Variants in KAT2B observed in about 807,000 individuals in gnomAD.
The protein encoded by KAT2B is lysine acetyltransferase 2B.
KAT2B carries 36 observed loss-of-function variants against 105.9 expected under a neutral mutation model. The ratio of observed to expected loss-of-function variants is 0.34; its 90% CI spans 0.26 to 0.45. KAT2B has a LOEUF of 0.45. KAT2B is among the 20% of genes least tolerant of loss of function. The pLI, the probability that KAT2B is intolerant of heterozygous loss-of-function variation, is 1.00. For missense variants in KAT2B, 820 were observed against 1,021.6 expected, an observed-to-expected ratio of 0.80 and a Z score of 2.69; for synonymous variants, 397 against 377.9, an observed-to-expected ratio of 1.05 and a Z score of -0.59.
intron 3 of KAT2B, 98 bp downstream of exon 3, chr3:20,095,506 T>G: frequency 1.3e-6 from 1 of 743,810 alleles, no homozygotes; most frequent in Non-Finnish European, 2.2e-6. Context: ...CAGCTCCTGG[T>G]ACATTTTGCC....
At chr3:20,094,395 C>T (rs944367924) in intron 2 of KAT2B, among the ~76,000 whole-genome samples, 1 of 152,152 alleles carries the variant, frequency 6.6e-6, no homozygotes, top group African/African-American at 2.4e-5. Context: ...CCTCCCTTGA[C>T]ATGTGGGGAT....
intron 7 of KAT2B, among the ~76,000 whole-genome samples, chr3:20,118,787 C>T (rs557854001): frequency 3.5e-5 from 5 of 143,662 alleles, no homozygotes; most frequent in South Asian, 2.2e-4. Context: ...TATATTTATA[C>T]GTTATATATA....
intron 2 of KAT2B, among the ~76,000 whole-genome samples, chr3:20,083,992 A>G (rs1487615447): frequency 6.6e-6 from 1 of 152,116 alleles, no homozygotes; most frequent in African/African-American, 2.4e-5. Context: ...GGTGATGTGT[A>G]TTTGTTGAGA....
intron 1 of KAT2B, among the ~76,000 whole-genome samples, chr3:20,058,475 A>AG (rs1698040684): frequency 1.4e-5 from 2 of 145,984 alleles, no homozygotes; most frequent in Non-Finnish European, 3.0e-5. Flanking sequence ...AAAAAAAAAA[A>AG]GGTTTTCAGA....
At chr3:20,053,451 C>G (rs1009107754) in intron 1 of KAT2B, among the ~76,000 whole-genome samples, 1 of 152,198 alleles carries the variant, frequency 6.6e-6, no homozygotes, top group African/African-American at 2.4e-5. Flanking sequence ...AGGAGGATCA[C>G]TTGAGTCCAG....
Position 20,125,737 on chromosome 3 carries a change from AT to A in KAT2B, c.1414-167del, listed in dbSNP as rs1382230432. Among the ~76,000 whole-genome samples the A allele has an allele frequency of 2.0e-5, 3 of 152,204 alleles. No homozygotes were observed. The East Asian group carries it at 5.8e-4, about 29-fold the overall frequency. The stretch of plus-strand genomic sequence containing the variant: ...TTTCTGTCTTGTCTTCATAACTTGT[AT>A]GTGTATGTGTCTCTGTGTGTATGTG... On this transcript the variant is annotated intron_variant, in intron 9 of 17. Transcript: ENST00000263754.
At chr3:20,079,081 A>G in intron 2 of KAT2B, among the ~76,000 whole-genome samples, 1 of 149,978 alleles carries the variant, frequency 6.7e-6, no homozygotes, top group African/African-American at 2.5e-5. Flanking sequence ...ATTATTTTTT[A>G]GTAGAGAGTG....
intron 8 of KAT2B, among the ~76,000 whole-genome samples, chr3:20,122,387 C>A (rs1407582731): frequency 6.6e-6 from 1 of 152,118 alleles, no homozygotes. Context: ...CTAGAATCAC[C>A]CCTTTGCATT....
chr3:20,089,006 C>G (rs1164740386), intron 2 of KAT2B, among the ~76,000 whole-genome samples: 1 of 152,086 alleles, frequency 6.6e-6, no homozygotes, highest in Non-Finnish European at 1.5e-5. Context: ...TGTCCCTTCC[C>G]CTTGGCATCT....
intron 5 of KAT2B, among the ~76,000 whole-genome samples, chr3:20,106,069 G>A (rs927505755): frequency 6.6e-6 from 1 of 152,146 alleles, no homozygotes; most frequent in Non-Finnish European, 1.5e-5. Context: ...AACTAGGGCA[G>A]ATCAGTTTAT....
Position 20,147,949 on chromosome 3 carries a change from TTG to T in KAT2B, c.2120-12_2120-11del, listed in dbSNP as rs1320365404. ...AGCACTTCTCATTCAGTGTTTCACT[TTG>T]TTGACGTATAGGAGAGACAGGCTGG... is the stretch of plus-strand genomic sequence containing the variant. On this transcript the variant is annotated splice_polypyrimidine_tract_variant and intron_variant, in intron 14 of 17. Coordinates refer to ENST00000263754, the MANE Select transcript of KAT2B (RefSeq NM_003884.5). 1 of 1,612,674 alleles carries T rather than the reference TTG, an allele frequency of 6.2e-7. No individual in the cohort carries two copies. The highest frequency in any genetic ancestry group is 8.5e-7 in the Non-Finnish European group (1 of 1,179,160).
chr3:20,075,982 A>G (rs182891979), intron 2 of KAT2B, among the ~76,000 whole-genome samples: 1 of 150,990 alleles, frequency 6.6e-6, no homozygotes, highest in Non-Finnish European at 1.5e-5. Context: ...TTGTAGATTG[A>G]TGGGTGGGGT....
Position 20,072,514 on chromosome 3 carries a change from C to G in KAT2B, c.430+55C>G, listed in dbSNP as rs2125181240. 3.9e-6 allele frequency: 6 copies of G among 1,551,402 alleles called. No individual in the cohort carries two copies. In the South Asian group the frequency reaches 4.5e-5, roughly 12 times the overall value. On this transcript the variant is annotated intron_variant, in intron 2 of 17. Transcript: ENST00000263754. ...AACGAGTTCATTGTAGCGTGAGACT[C>G]TTAACTTACTGAATTCTGTGGGTTC...
chr3:20,043,936 C>T (rs917259081), intron 1 of KAT2B, among the ~76,000 whole-genome samples: 1 of 151,972 alleles, frequency 6.6e-6, no homozygotes, highest in Non-Finnish European at 1.5e-5. Flanking sequence ...AGGTAGTTCA[C>T]TGGGGGGCTT....
chr3:20,124,312 C>T (rs1270542171), intron 9 of KAT2B, among the ~76,000 whole-genome samples: 1 of 152,110 alleles, frequency 6.6e-6, no homozygotes, highest in African/African-American at 2.4e-5. Flanking sequence ...GTTCCACAGA[C>T]TGTACAAGAA....
At chr3:20,130,819 T>C (rs897515860) in intron 11 of KAT2B, among the ~76,000 whole-genome samples, 2 of 151,772 alleles carry the variant, frequency 1.3e-5, no homozygotes, top group Admixed American at 1.3e-4. Flanking sequence ...ATAATGAAGA[T>C]TAGTCTTTCA....
intron 8 of KAT2B, among the ~76,000 whole-genome samples, chr3:20,121,602 A>G (rs1176551702): frequency 6.6e-6 from 1 of 152,144 alleles, no homozygotes; most frequent in Admixed American, 6.5e-5. Flanking sequence ...AAAGCATTGT[A>G]AAAGATAAAG....
At chr3:20,151,167 G>C (rs77606263) in intron 17 of KAT2B, among the ~76,000 whole-genome samples, 29 of 152,328 alleles carry the variant, frequency 1.9e-4, no homozygotes, top group Non-Finnish European at 3.4e-4. Flanking sequence ...AAGAAAAGTT[G>C]AAAGTTGAAT....
chr3:20,111,486 G>T (rs1204468382), intron 5 of KAT2B, 110 bp from the exon 6 acceptor site: 2 of 829,620 alleles, frequency 2.4e-6, no homozygotes, highest in Non-Finnish European at 3.7e-6. Flanking sequence ...GTTATTGCAG[G>T]CCTAGTTTTT....
Sources: allele counts gnomAD v4.1 joint callset (sites outside exome capture counted in the v4.1 genomes callset), GRCh38; gene constraint gnomAD v4.1.1; transcripts MANE v1.5; gene names NCBI Gene and HGNC (gene_info 2026-07-23, HGNC 2026-07-21).